The following RNF169 variants were observed in gnomAD, a reference collection of about 807,000 sequenced individuals.
The protein encoded by RNF169 is E3 ubiquitin-protein ligase RNF169.
Under a neutral mutation model 53.9 loss-of-function variants are expected in RNF169, and 24 were observed. That is an observed-to-expected ratio of 0.45 (90% confidence interval 0.32 to 0.63). The LOEUF is 0.63. RNF169 is among the 20% of genes least tolerant of loss of function. The pLI is 0.04. For missense variants in RNF169, 883 were observed against 906.2 expected (o/e 0.97, Z 0.33); for synonymous variants, 396 against 363.5 (o/e 1.09, Z -1.02).
At position 74,841,521 on chromosome 11, in the gene RNF169, A is replaced by G. The variant is rs756885489; in HGVS notation, c.*4791A>G. ...GCAGATTGTTCTATGTATTATCAGT[A>G]TTTTTTTCCTCTTAAGAAAAAAATT... On this transcript the variant is annotated 3_prime_UTR_variant, in exon 6 of 6. Coordinates refer to ENST00000299563, the MANE Select transcript of RNF169 (RefSeq NM_001098638.2). The G allele has an allele frequency of 6.6e-6, 1 of 152,140 alleles. No homozygotes were observed. Among genetic ancestry groups the G allele is most frequent in the Non-Finnish European group, 1.5e-5 (1 of 68,004 alleles). 9.4% of individuals were successfully genotyped at this position (152,140 alleles called of 1,614,324 possible).
At chr11:74,768,749 A>G (rs2035214400) in intron 1 of RNF169, among the ~76,000 whole-genome samples, 1 of 152,162 alleles carries the variant, frequency 6.6e-6, no homozygotes, top group Non-Finnish European at 1.5e-5. Context: ...TGACCACATT[A>G]AAGTTAAAAA....
At chr11:74,807,721 A>G (rs1421547094) in intron 2 of RNF169, 2 of 152,204 alleles carry the variant, frequency 1.3e-5, no homozygotes, top group Admixed American at 1.3e-4. Flanking sequence ...TAGAACATAG[A>G]AGAGTTCAAC....
chr11:74,803,519 G>A (rs2035763329), intron 2 of RNF169, among the ~76,000 whole-genome samples: 1 of 152,154 alleles, frequency 6.6e-6, no homozygotes, highest in Non-Finnish European at 1.5e-5. Context: ...TCCAAGGATG[G>A]CTAGTTAACA....
intron 1 of RNF169, among the ~76,000 whole-genome samples, chr11:74,780,848 A>T (rs2035406959): frequency 6.6e-6 from 1 of 152,218 alleles, no homozygotes; most frequent in African/African-American, 2.4e-5. Context: ...GCAGCTATTA[A>T]GAGGCAAAAA....
chr11:74,774,979 A>C (rs1161494690), intron 1 of RNF169, among the ~76,000 whole-genome samples: 1 of 152,222 alleles, frequency 6.6e-6, no homozygotes, highest in East Asian at 1.9e-4. Flanking sequence ...ATCTCAAACA[A>C]AAAATAAATG....
chr11:74,779,548 G>C (rs544852), intron 1 of RNF169, among the ~76,000 whole-genome samples: 39,970 of 151,856 alleles, frequency 0.26, 5,493 homozygotes, highest in South Asian at 0.42. Flanking sequence ...CTATATTCTT[G>C]GAGAATCAGA....
rs1318915004 is a variant in RNF169, at chr11:74,759,910, G to A, written c.502+10528G>A. Among the ~76,000 whole-genome samples the A allele has an allele frequency of 1.4e-4, 21 of 151,624 alleles. No homozygotes were observed. The East Asian group carries it at 3.5e-3, about 25-fold the overall frequency. On this transcript the variant is annotated intron_variant, in intron 1 of 5. Coordinates refer to ENST00000299563, the MANE Select transcript of RNF169 (RefSeq NM_001098638.2). Reference sequence around the variant, plus strand: ...GTACCAGTTCCTCTTTGTACCTCTGGTAGAATTCGGCTGTGAATCCATCTG... The same window carrying A: ...GTACCAGTTCCTCTTTGTACCTCTGATAGAATTCGGCTGTGAATCCATCTG...
In RNF169 at chr11:74,823,254, TTAAATA is replaced by T. The variant is rs1242655687; in HGVS notation, c.842+5543_842+5548del. Among the ~76,000 whole-genome samples, 8 of 152,194 alleles carry T rather than the reference TTAAATA, an allele frequency of 5.3e-5. 1 individual carries two copies. Among genetic ancestry groups the T allele is most frequent in the Admixed American group, 4.6e-4 (7 of 15,274 alleles). On this transcript the variant is annotated intron_variant, in intron 4 of 5. Coordinates refer to ENST00000299563, the MANE Select transcript of RNF169 (RefSeq NM_001098638.2). Reference sequence around the variant, plus strand: ...TAAAACACCTTTCTTGCTTTATAATTTAAATATATCTCACTATTTCTTAAAAGATAC... The same window carrying T: ...TAAAACACCTTTCTTGCTTTATAATTTATCTCACTATTTCTTAAAAGATAC...
intron 1 of RNF169, among the ~76,000 whole-genome samples, chr11:74,752,711 A>C (rs1191690863): frequency 6.6e-6 from 1 of 152,000 alleles, no homozygotes; most frequent in East Asian, 1.9e-4. Context: ...TACATTATAC[A>C]CACTGTTCTG....
chr11:74,819,107 T>C (rs1414685456), intron 4 of RNF169, among the ~76,000 whole-genome samples: 1 of 151,884 alleles, frequency 6.6e-6, no homozygotes, highest in Non-Finnish European at 1.5e-5. Context: ...ATGCCGGTAA[T>C]GCCATTTCAT....
chr11:74,780,561 T>C (rs921195098), intron 1 of RNF169, among the ~76,000 whole-genome samples: 3 of 152,266 alleles, frequency 2.0e-5, no homozygotes, highest in East Asian at 1.9e-4. Flanking sequence ...GATTTACTTA[T>C]GTATGCACGC....
At chr11:74,825,137 A>G (rs1313598567) in intron 4 of RNF169, among the ~76,000 whole-genome samples, 2 of 151,762 alleles carry the variant, frequency 1.3e-5, no homozygotes, top group African/African-American at 4.8e-5. Context: ...TGATAAAAGG[A>G]TCAACTCAAC....
chr11:74,831,226 A>G (rs188598863), intron 4 of RNF169: 1 of 152,316 alleles, frequency 6.6e-6, no homozygotes, highest in Non-Finnish European at 1.5e-5. Context: ...TACACATGAC[A>G]TGTTAATCAC....
rs187240479 is a variant in RNF169, at chr11:74,789,792, A to C, written c.576+93A>C. On this transcript the variant is annotated intron_variant, in intron 2 of 5. Transcript: ENST00000299563. ...TGGGAGTTTTGACCAGGTTTTAAAA[A>C]ATTTATAATGCAGAGCCTTTCTTCA... 67 of 779,196 alleles carry C rather than the reference A, an allele frequency of 8.6e-5. No individual in the cohort carries two copies. The Admixed American group carries it at 9.6e-4, about 11-fold the overall frequency. The allele number at this position is 779,196 out of a possible 1,614,324, so 48.3% of individuals were successfully genotyped here.
At chr11:74,795,670 G>C (rs1255869780) in intron 2 of RNF169, among the ~76,000 whole-genome samples, 1 of 152,168 alleles carries the variant, frequency 6.6e-6, no homozygotes, top group Non-Finnish European at 1.5e-5. Flanking sequence ...AGACCAGCCT[G>C]AGCAATATAG....
At chr11:74,815,433 G>C (rs1453896131) in intron 3 of RNF169, among the ~76,000 whole-genome samples, 1 of 152,030 alleles carries the variant, frequency 6.6e-6, no homozygotes, top group Non-Finnish European at 1.5e-5. Context: ...GTGGGCACCT[G>C]TAATCCCAGC....
intron 1 of RNF169, among the ~76,000 whole-genome samples, chr11:74,761,493 T>G (rs1180182400): frequency 3.3e-5 from 5 of 150,158 alleles, no homozygotes; most frequent in African/African-American, 7.3e-5. Context: ...AGGAGCTCTT[T>G]TAGGGCAGGC....
At chr11:74,761,770 C>T (rs2035087041) in intron 1 of RNF169, among the ~76,000 whole-genome samples, 1 of 150,174 alleles carries the variant, frequency 6.7e-6, no homozygotes, top group South Asian at 2.1e-4. Flanking sequence ...GTGAATCTGA[C>T]AATTATGTGT....
intron 4 of RNF169, among the ~76,000 whole-genome samples, chr11:74,830,410 TAGATA>T (rs2036161191): frequency 6.6e-6 from 1 of 152,122 alleles, no homozygotes; most frequent in Non-Finnish European, 1.5e-5. Context: ...GCCAACAGAT[TAGATA>T]ATTTAGATGA....
Sources: allele counts gnomAD v4.1 joint callset (sites outside exome capture counted in the v4.1 genomes callset), GRCh38; gene constraint gnomAD v4.1.1; transcripts MANE v1.5; gene names NCBI Gene and HGNC (gene_info 2026-07-23, HGNC 2026-07-21).